NHSL1: variants seen among roughly 807,000 people sequenced by gnomAD.
The protein encoded by NHSL1 is NHS like 1, also known as NHS-like protein 1.
NHSL1 carries 48 observed loss-of-function variants against 95.0 expected under a neutral mutation model. That is an observed-to-expected ratio of 0.51 (90% CI 0.40 to 0.64). The LOEUF (loss-of-function observed/expected upper bound fraction) is 0.64. Ranked by LOEUF, NHSL1 falls within the 30% of genes least tolerant of loss-of-function variation. The pLI is 0.00. For synonymous variants in NHSL1, 783 were observed against 833.9 expected (o/e 0.94, Z 1.05); for missense variants, 1,971 against 2,077.7 (o/e 0.95, Z 1.00).
chr6:138,432,403 G>A lies in NHSL1; in HGVS notation c.1942C>T (p.Gln648Ter). 1 of 1,552,198 alleles carries A rather than the reference G, an allele frequency of 6.4e-7. No individual in the cohort carries two copies. Among genetic ancestry groups the A allele is most frequent in the Non-Finnish European group, 8.7e-7 (1 of 1,147,104 alleles). ...NVFVGRAQKNQGDRSNYQDKS... is the reference protein window; with the variant it reads ...NVFVGRAQKN ...TCCTGGTAATTGGACCGGTCCCCTT[G>A]GTTTTTCTGAGCTCTTCCAACAAAA... The change falls in exon 6 of 8, where the codon CAA (glutamine) becomes TAA (stop). Residue 648 changes from glutamine (Q) to a stop codon, truncating the protein, a stop_gained. Transcript: ENST00000343505. LOFTEE classifies it high-confidence loss of function. This position sits in a 1 kb window ranked among gnomAD's most constrained non-coding sequence, Gnocchi z 4.4.
chr6:138,441,681 T>C (rs1219001879), intron 5 of NHSL1, among the ~76,000 whole-genome samples: 3 of 152,222 alleles, frequency 2.0e-5, no homozygotes, highest in African/African-American at 7.2e-5. Context: ...ATTGTGGGAA[T>C]AGCCAATGTT....
intron 1 of NHSL1, among the ~76,000 whole-genome samples, chr6:138,619,524 A>G (rs983243501): frequency 2.6e-5 from 4 of 152,178 alleles, no homozygotes; most frequent in Admixed American, 2.6e-4. Flanking sequence ...CGTACCTACT[A>G]TTCCCACCTA....
intron 3 of NHSL1, among the ~76,000 whole-genome samples, chr6:138,466,049 G>A (rs1415843991): frequency 7.3e-6 from 1 of 137,318 alleles, no homozygotes; most frequent in Non-Finnish European, 1.6e-5. Context: ...TTTGGGGGGG[G>A]GGCAGGGGGG....
chr6:138,530,023 C>T (rs528261848), intron 1 of NHSL1, among the ~76,000 whole-genome samples: 66 of 152,180 alleles, frequency 4.3e-4, no homozygotes, highest in African/African-American at 1.5e-3. Flanking sequence ...CTCAAACAGA[C>T]CATTTTGCCT....
intron 2 of NHSL1, among the ~76,000 whole-genome samples, chr6:138,493,610 G>A (rs1427049157): frequency 6.6e-6 from 1 of 152,234 alleles, no homozygotes; most frequent in African/African-American, 2.4e-5. Flanking sequence ...AGACCATGTA[G>A]TGCTCTGTTG....
upstream of NHSL1, among the ~76,000 whole-genome samples, chr6:138,550,480 C>T (rs1782960499): frequency 6.6e-6 from 1 of 152,178 alleles, no homozygotes; most frequent in African/African-American, 2.4e-5. Context: ...GTCCTCTGGA[C>T]AGCACAAAGG....
chr6:138,610,323 A>T (rs1349657682), intron 1 of NHSL1, among the ~76,000 whole-genome samples: 1 of 152,040 alleles, frequency 6.6e-6, no homozygotes, highest in Non-Finnish European at 1.5e-5. Context: ...TCTCACTCAT[A>T]GGTGGGAATT....
intron 1 of NHSL1, among the ~76,000 whole-genome samples, chr6:138,528,781 G>C (rs142247881): frequency 6.6e-6 from 1 of 152,088 alleles, no homozygotes; most frequent in Admixed American, 6.5e-5. Context: ...TAAAATGAAT[G>C]GTTTTTAGAA....
intron 3 of NHSL1, among the ~76,000 whole-genome samples, chr6:138,462,362 T>C (rs1170236379): frequency 6.6e-6 from 1 of 152,074 alleles, no homozygotes; most frequent in Non-Finnish European, 1.5e-5. Context: ...CAACTGACTC[T>C]CACTGGAACT....
chr6:138,563,393 A>T (rs1444700008), intron 1 of NHSL1, among the ~76,000 whole-genome samples: 1 of 152,208 alleles, frequency 6.6e-6, no homozygotes, highest in East Asian at 1.9e-4. Context: ...GGATTACGTA[A>T]AGGAAGTGAT....
intron 1 of NHSL1, among the ~76,000 whole-genome samples, chr6:138,616,081 A>G (rs1342802961): frequency 6.6e-6 from 1 of 152,210 alleles, no homozygotes; most frequent in Non-Finnish European, 1.5e-5. Flanking sequence ...ATTTGCTCTA[A>G]TCAAATTTAC....
At chr6:138,659,401 T>G (rs568079540) in intron 1 of NHSL1, among the ~76,000 whole-genome samples, 1 of 152,246 alleles carries the variant, frequency 6.6e-6, no homozygotes, top group African/African-American at 2.4e-5. Context: ...TCCTCTTGGC[T>G]ACTACTGAAC....
chr6:138,587,281 GT>G (rs1389951383), intron 1 of NHSL1, among the ~76,000 whole-genome samples: 1 of 151,332 alleles, frequency 6.6e-6, no homozygotes, highest in Non-Finnish European at 1.5e-5. Flanking sequence ...AGGCACTTGT[GT>G]TTTTAAACAG....
rs1313653216 is a variant in NHSL1, at chr6:138,433,359, C to G, written c.986G>C (p.Gly329Ala). 1 of 1,552,036 alleles carries G rather than the reference C, an allele frequency of 6.4e-7. No homozygotes were observed. Among genetic ancestry groups the G allele is most frequent in the East Asian group, 2.4e-5 (1 of 40,908 alleles). Residue 329 changes from glycine to alanine, a missense_variant, in exon 6 of 8, where the codon GGA (glycine) becomes GCA (alanine). Gly to Ala is a moderately conservative substitution (Grantham distance 60, BLOSUM62 0). This residue lies in a region of NHSL1 where 1,602 missense variants were observed against 1,654.5 expected (regional missense o/e 0.97). Coordinates refer to ENST00000343505, the MANE Select transcript of NHSL1 (RefSeq NM_001144060.2). Reference protein sequence around the residue: ...DAGFHSLPRSGARANIQSLEP... With the variant: ...DAGFHSLPRSAARANIQSLEP... Reference sequence around the variant, plus strand: ...AAGGGACTGAATGTTTGCCCTTGCTCCAGAACGCGGAAGACTATGGAAGCC... The same window carrying G: ...AAGGGACTGAATGTTTGCCCTTGCTGCAGAACGCGGAAGACTATGGAAGCC...
intron 1 of NHSL1, among the ~76,000 whole-genome samples, chr6:138,528,103 G>A (rs1461093801): frequency 2.0e-5 from 3 of 152,198 alleles, no homozygotes; most frequent in Non-Finnish European, 2.9e-5. Context: ...CAGGGTGATT[G>A]TGGAGAGAAA....
rs564421451 is a variant in NHSL1 at position 138,557,068 on chromosome 6, G to A, written c.202+14642C>T. Among the ~76,000 whole-genome samples, 11 of 152,264 alleles carry A rather than the reference G, an allele frequency of 7.2e-5. No individual in the cohort carries two copies. The South Asian group carries it at 2.3e-3, about 32-fold the overall frequency. On this transcript the variant is annotated intron_variant, in intron 1 of 6. Transcript: ENST00000427025. ...AGATGATAATCCTCCTTGAAAACTC[G>A]GAGTGATTTTTACAGGAGTGATTAA...
chr6:138,429,873 G>C, intron 6 of NHSL1, 30 bp from the exon 7 acceptor site: 3 of 1,535,352 alleles, frequency 2.0e-6, no homozygotes, highest in Non-Finnish European at 2.6e-6. Context: ...CATACAAGAC[G>C]CACAAGTGAC....
chr6:138,664,454 C>G (rs1326704014), intron 1 of NHSL1, among the ~76,000 whole-genome samples: 1 of 152,160 alleles, frequency 6.6e-6, no homozygotes, highest in Non-Finnish European at 1.5e-5. Flanking sequence ...GAGAGGTACA[C>G]ACAGAGCACT....
In NHSL1 at chr6:138,473,386, A is replaced by G; in HGVS notation, c.259T>C (p.Ser87Pro). Residue 87 changes from serine to proline, a missense_variant, in exon 3 of 8, where the codon TCT becomes CCT. Physicochemically the swap from Ser to Pro is moderately conservative, Grantham distance 74. Around this residue, in one of 3 missense-constraint regions of NHSL1, gnomAD observed 1,602 missense variants for 1,654.5 expected, o/e 0.97. Transcript: ENST00000343505. Reference protein sequence around the residue: ...HDGYRSSQYYSQGPTFAANAS... With the variant: ...HDGYRSSQYYPQGPTFAANAS... ...TTGGCCGCAAAGGTGGGTCCCTGAG[A>G]GTAGTACTGAGAACTGCGGTAGCCA... is the stretch of plus-strand genomic sequence containing the variant. 2 of 1,546,170 alleles carry G rather than the reference A, an allele frequency of 1.3e-6. No individual in the cohort carries two copies. Among genetic ancestry groups the G allele is most frequent in the Non-Finnish European group, 1.7e-6 (2 of 1,144,804 alleles).
Sources: allele counts gnomAD v4.1 joint callset (sites outside exome capture counted in the v4.1 genomes callset), GRCh38; gene constraint gnomAD v4.1.1; regional missense constraint gnomAD v4.1.1; non-coding constraint Gnocchi (gnomAD v3.1); transcripts MANE v1.5; gene names NCBI Gene and HGNC (gene_info 2026-07-23, HGNC 2026-07-21).